The following DLGAP2 variants were observed in gnomAD, a reference collection of about 807,000 sequenced individuals.
DLGAP2 encodes the protein DLG associated protein 2, also known as disks large-associated protein 2.
A neutral mutation model predicts 100.3 loss-of-function variants in DLGAP2; 26 were observed. That is an observed-to-expected ratio of 0.26 (90% CI 0.19 to 0.36). The LOEUF is 0.36. Ranked by LOEUF, DLGAP2 falls within the 10% of genes least tolerant of loss-of-function variation. The probability of loss-of-function intolerance (pLI) is 1.00; values close to 1 mark genes in which losing one functional copy is unlikely to be tolerated. For synonymous variants in DLGAP2, 886 were observed against 630.1 expected (o/e 1.41, Z -6.08); for missense variants, 1,858 against 1,453.2 (o/e 1.28, Z -4.53).
intron 1 of DLGAP2, among the ~76,000 whole-genome samples, chr8:755,101 G>A (rs751942599): frequency 1.4e-4 from 21 of 152,266 alleles, no homozygotes; most frequent in Admixed American, 3.3e-4. Flanking sequence ...CCCCCAGTGT[G>A]TCCCTCACTG....
chr8:768,682 C>T (rs776973487), intron 1 of DLGAP2, among the ~76,000 whole-genome samples: 54 of 152,130 alleles, frequency 3.5e-4, no homozygotes, highest in Non-Finnish European at 6.6e-4. Flanking sequence ...CCTCGGCCTC[C>T]CAAAGTGCTG....
At chr8:876,130 T>C (rs1019187640) in intron 1 of DLGAP2, among the ~76,000 whole-genome samples, 4 of 152,208 alleles carry the variant, frequency 2.6e-5, no homozygotes, top group African/African-American at 7.2e-5. Flanking sequence ...CTTTTTCATA[T>C]GTATTATTTT....
At chr8:1,506,728 C>T (rs994259586) in intron 4 of DLGAP2, among the ~76,000 whole-genome samples, 1 of 152,196 alleles carries the variant, frequency 6.6e-6, no homozygotes, top group Non-Finnish European at 1.5e-5. Flanking sequence ...GCTGATTGGT[C>T]TGTTTTGACA....
intron 3 of DLGAP2, among the ~76,000 whole-genome samples, chr8:1,377,226 GC>G (rs1795969345): frequency 6.6e-6 from 1 of 152,234 alleles, no homozygotes; most frequent in Admixed American, 6.5e-5. Flanking sequence ...GGTGTTTGGG[GC>G]CAGCCAGGAG....
At chr8:1,116,616 C>A (rs1468359236) in intron 2 of DLGAP2, among the ~76,000 whole-genome samples, 1 of 151,990 alleles carries the variant, frequency 6.6e-6, no homozygotes, top group African/African-American at 2.4e-5. Context: ...GGCAACTTGG[C>A]AAAACCCCAT....
At chr8:1,316,688 C>G (rs1800759333) in intron 3 of DLGAP2, among the ~76,000 whole-genome samples, 1 of 141,410 alleles carries the variant, frequency 7.1e-6, no homozygotes, top group Non-Finnish European at 1.5e-5. Context: ...AAAAATACAG[C>G]GTGCGTGAGT....
At chr8:1,316,624 C>T (rs370845847) in intron 3 of DLGAP2, among the ~76,000 whole-genome samples, 3,305 of 138,154 alleles carry the variant, frequency 0.024, 14 homozygotes, top group South Asian at 0.038. Flanking sequence ...AGAGCGTGTG[C>T]GAGTGCAGCG....
rs56717923 is a variant in DLGAP2 at position 1,481,979 on chromosome 8, A to T, written c.107-19387A>T. 3.9e-3 allele frequency among the ~76,000 whole-genome samples: 587 copies of T among 152,262 alleles called. 3 individuals carry two copies. The highest frequency in any genetic ancestry group is 0.014 in the African/African-American group (561 of 41,534). ...GAAGGGCCAGGTAGGAGGGGCCCCA[A>T]TGACTGCTCTCAGCCCTCCTGTGGA... On this transcript the variant is annotated intron_variant, in intron 3 of 14. Transcript: ENST00000637795.
chr8:1,037,929 C>T (rs1027939166), intron 2 of DLGAP2, among the ~76,000 whole-genome samples: 2 of 152,202 alleles, frequency 1.3e-5, no homozygotes, highest in East Asian at 1.9e-4. Context: ...GAGGCCCTGG[C>T]TTGACCACAC....
At chr8:1,314,868 T>G (rs1800694389) in intron 3 of DLGAP2, among the ~76,000 whole-genome samples, 1 of 152,212 alleles carries the variant, frequency 6.6e-6, no homozygotes. Flanking sequence ...TTTCCATGGG[T>G]AAATCCTAAA....
intron 5 of DLGAP2, among the ~76,000 whole-genome samples, chr8:1,553,248 C>T (rs1801835930): frequency 6.6e-6 from 1 of 152,232 alleles, no homozygotes. Flanking sequence ...CCACCGCGTC[C>T]TGCGCTCCTG....
chr8:752,176 T>C (rs1469081882), intron 1 of DLGAP2, among the ~76,000 whole-genome samples: 1 of 152,176 alleles, frequency 6.6e-6, no homozygotes, highest in Non-Finnish European at 1.5e-5. Context: ...ATCATTGGTC[T>C]CCCACTTTTT....
intron 1 of DLGAP2, among the ~76,000 whole-genome samples, chr8:843,097 A>G (rs1449371469): frequency 6.6e-6 from 1 of 152,016 alleles, no homozygotes; most frequent in Non-Finnish European, 1.5e-5. Context: ...AATAATTTTT[A>G]TTGGATTGAT....
At chr8:1,334,263 G>A (rs1319710708) in intron 3 of DLGAP2, among the ~76,000 whole-genome samples, 1 of 152,290 alleles carries the variant, frequency 6.6e-6, no homozygotes, top group South Asian at 2.1e-4. Flanking sequence ...AGAAGCCATG[G>A]CAGTCAGCAT....
intron 2 of DLGAP2, among the ~76,000 whole-genome samples, chr8:1,089,807 G>A (rs1804111226): frequency 6.6e-6 from 1 of 152,222 alleles, no homozygotes; most frequent in Non-Finnish European, 1.5e-5. Context: ...TTTCGCTTTT[G>A]TATGGATTCC....
intron 1 of DLGAP2, among the ~76,000 whole-genome samples, chr8:800,130 G>A (rs750783290): frequency 5.9e-5 from 9 of 152,146 alleles, no homozygotes; most frequent in African/African-American, 7.2e-5. Flanking sequence ...TCTGGTCTAT[G>A]CCACATGCCA....
intron 2 of DLGAP2, among the ~76,000 whole-genome samples, chr8:1,167,701 T>C (rs1246461521): frequency 1.3e-5 from 2 of 152,180 alleles, no homozygotes; most frequent in Non-Finnish European, 2.9e-5. Context: ...TTTATGGAAA[T>C]CTGGAACTTC....
intron 2 of DLGAP2, among the ~76,000 whole-genome samples, chr8:1,217,921 A>G (rs983020663): frequency 6.6e-6 from 1 of 152,038 alleles, no homozygotes; most frequent in Non-Finnish European, 1.5e-5. Flanking sequence ...AGAAGTGTCC[A>G]TGTCCTTTGC....
In DLGAP2 at chr8:746,085, C is replaced by T. The variant is rs895011863; in HGVS notation, c.18+8260C>T. 1.4e-4 allele frequency among the ~76,000 whole-genome samples: 21 copies of T among 152,322 alleles called. No individual in the cohort carries two copies. The East Asian group carries it at 3.3e-3, about 24-fold the overall frequency. On this transcript the variant is annotated intron_variant, in intron 1 of 14. Coordinates refer to ENST00000637795, the MANE Select transcript of DLGAP2 (RefSeq NM_001346810.2). ...TTCAGTGATGGTCCTGGTCGGGGCCCGTGTGCCCTGCAGGAAGGCCGGGGG... is the reference window on the plus strand; with the variant it reads ...TTCAGTGATGGTCCTGGTCGGGGCCTGTGTGCCCTGCAGGAAGGCCGGGGG...
Sources: allele counts gnomAD v4.1 joint callset (sites outside exome capture counted in the v4.1 genomes callset), GRCh38; gene constraint gnomAD v4.1.1; transcripts MANE v1.5; gene names NCBI Gene and HGNC (gene_info 2026-07-23, HGNC 2026-07-21).